Variants in PLCH1 observed in about 807,000 individuals in gnomAD.
PLCH1 encodes phospholipase C eta 1.
Under a neutral mutation model 126.7 loss-of-function variants are expected in PLCH1, and 60 were observed. The ratio of observed to expected loss-of-function variants is 0.47; its 90% confidence interval spans 0.38 to 0.59. PLCH1 has a LOEUF of 0.59. Ranked by LOEUF, PLCH1 falls within the 20% of genes least tolerant of loss-of-function variation. The pLI, the probability that PLCH1 is intolerant of heterozygous loss-of-function variation, is 0.00. For missense variants in PLCH1, 1,723 were observed against 2,040.0 expected (o/e 0.84, Z 2.99); for synonymous variants, 719 against 734.9 (o/e 0.98, Z 0.35).
intron 2 of PLCH1, among the ~76,000 whole-genome samples, chr3:155,640,992 A>C (rs1326059752): frequency 6.6e-6 from 1 of 152,112 alleles, no homozygotes; most frequent in East Asian, 1.9e-4. Context: ...AATCTTTCTA[A>C]ATCCTTTAAG....
chr3:155,570,299 G>A (rs1298332238), intron 6 of PLCH1, among the ~76,000 whole-genome samples: 1 of 152,102 alleles, frequency 6.6e-6, no homozygotes, highest in Non-Finnish European at 1.5e-5. Flanking sequence ...ATAGGTTAAT[G>A]CTCTTTACTG....
At chr3:155,699,743 A>G (rs189558906) in intron 2 of PLCH1, among the ~76,000 whole-genome samples, 1 of 152,126 alleles carries the variant, frequency 6.6e-6, no homozygotes, top group Non-Finnish European at 1.5e-5. Context: ...ATTTTTGAAT[A>G]TAATCACATT....
chr3:155,700,145 T>G (rs1463378305), intron 2 of PLCH1, among the ~76,000 whole-genome samples: 2 of 152,168 alleles, frequency 1.3e-5, no homozygotes, highest in African/African-American at 4.8e-5. Context: ...CACAAGTTAG[T>G]TGTTAAACTT....
chr3:155,457,403 A>G (rs1712477728), intron 21 of PLCH1: 1 of 152,210 alleles, frequency 6.6e-6, no homozygotes, highest in African/African-American at 2.4e-5. Flanking sequence ...ACACAAATTC[A>G]AAGATGAAAC....
At chr3:155,612,095 T>A (rs1263630248) in intron 2 of PLCH1, among the ~76,000 whole-genome samples, 6 of 152,052 alleles carry the variant, frequency 3.9e-5, no homozygotes, top group African/African-American at 1.4e-4. Flanking sequence ...GGCGGGCAGA[T>A]CACCTGAGGT....
chr3:155,551,586 A>G (rs1406716079), intron 9 of PLCH1, among the ~76,000 whole-genome samples: 3 of 149,372 alleles, frequency 2.0e-5, no homozygotes, highest in Non-Finnish European at 4.4e-5. Context: ...ATCTGAAGAC[A>G]TTTTTGGTGG....
chr3:155,729,441 T>C (rs562908896), intron 1 of PLCH1, among the ~76,000 whole-genome samples: 1 of 152,268 alleles, frequency 6.6e-6, no homozygotes, highest in East Asian at 1.9e-4. Flanking sequence ...AGTGGGATGT[T>C]GCAGCCAGAT....
chr3:155,467,590 C>A (rs1262070064), intron 21 of PLCH1, among the ~76,000 whole-genome samples: 3 of 148,980 alleles, frequency 2.0e-5, no homozygotes, highest in Non-Finnish European at 4.5e-5. Context: ...AAAAAAAAAT[C>A]CTAAAAGCAG....
rs551650354 is a variant in PLCH1, at chr3:155,556,267, C to T, written c.1070-2071G>A. ...ACTCAGGAGGCTGAGGCAGGAGAAT[C>T]GCTTGAACCCGGGAGGTGGAGGATG... On this transcript the variant is annotated intron_variant, in intron 8 of 22. Transcript: ENST00000460012. 1.8e-3 allele frequency among the ~76,000 whole-genome samples: 270 copies of T among 152,192 alleles called. 2 individuals carry two copies. The highest frequency in any genetic ancestry group is 5.1e-4 in the Non-Finnish European group (35 of 68,004).
intron 19 of PLCH1, among the ~76,000 whole-genome samples, chr3:155,490,518 T>C (rs1716020516): frequency 6.6e-6 from 1 of 152,180 alleles, no homozygotes; most frequent in Admixed American, 6.5e-5. Context: ...CCCAATTCTT[T>C]AAAATATCAT....
chr3:155,639,847 C>G (rs1001135753), intron 2 of PLCH1, among the ~76,000 whole-genome samples: 2 of 152,158 alleles, frequency 1.3e-5, no homozygotes, highest in Non-Finnish European at 2.9e-5. Flanking sequence ...GGATATCCCC[C>G]CCTGCTGTTC....
chr3:155,701,534 GGAA>G (rs770542190), intron 2 of PLCH1, among the ~76,000 whole-genome samples: 15 of 152,164 alleles, frequency 9.9e-5, no homozygotes, highest in Non-Finnish European at 2.9e-5. Context: ...TTCCATTTAT[GGAA>G]GAAGTTTTGT....
chr3:155,544,757 G>C (rs1196134475), intron 10 of PLCH1, among the ~76,000 whole-genome samples: 9 of 150,470 alleles, frequency 6.0e-5, no homozygotes, highest in African/African-American at 2.2e-4. Context: ...TCAACTACAT[G>C]GAAACTGAAC....
intron 1 of PLCH1, among the ~76,000 whole-genome samples, chr3:155,713,310 G>T (rs1747281611): frequency 6.6e-6 from 1 of 152,166 alleles, no homozygotes; most frequent in South Asian, 2.1e-4. Flanking sequence ...TTCAAAAAAT[G>T]CATACCTTGT....
chr3:155,603,917 G>C (rs571843932), intron 2 of PLCH1, among the ~76,000 whole-genome samples: 37 of 152,084 alleles, frequency 2.4e-4, no homozygotes, highest in Non-Finnish European at 4.4e-4. Flanking sequence ...GGACCACATA[G>C]GGAGACCTGG....
chr3:155,475,791 T>G (rs913469813), downstream of PLCH1, among the ~76,000 whole-genome samples: 2 of 151,888 alleles, frequency 1.3e-5, no homozygotes, highest in African/African-American at 4.8e-5. Flanking sequence ...AACAAATTGA[T>G]AACAAGTAAT....
intron 10 of PLCH1, among the ~76,000 whole-genome samples, chr3:155,527,558 T>A (rs540631878): frequency 6.6e-6 from 1 of 152,182 alleles, no homozygotes; most frequent in Admixed American, 6.5e-5. Flanking sequence ...ACATTAAGAA[T>A]CTAAACAATT....
chr3:155,582,075 C>CTTTTTTTT (rs869254665), intron 6 of PLCH1, among the ~76,000 whole-genome samples: 172 of 64,030 alleles, frequency 2.7e-3, no homozygotes, highest in Non-Finnish European at 3.5e-3. Flanking sequence ...TCTTTTCTTT[C>CTTTTTTTT]TTTTTTTTTT....
intron 7 of PLCH1, among the ~76,000 whole-genome samples, chr3:155,567,001 A>G (rs1577031244): frequency 6.6e-6 from 1 of 152,318 alleles, no homozygotes; most frequent in East Asian, 1.9e-4. Flanking sequence ...TTAGCACAGA[A>G]AAGGCCCAAG....
Sources: allele counts gnomAD v4.1 joint callset (sites outside exome capture counted in the v4.1 genomes callset), GRCh38; gene constraint gnomAD v4.1.1; transcripts MANE v1.5; gene names NCBI Gene and HGNC (gene_info 2026-07-23, HGNC 2026-07-21).